ZNF708: variants seen among roughly 807,000 people sequenced by gnomAD.
ZNF708 encodes the protein zinc finger protein 708, also known as ZNF15, ZNF15L1.
Under a neutral mutation model 47.0 loss-of-function variants are expected in ZNF708, and 44 were observed. That is an observed-to-expected ratio of 0.94 (90% CI 0.74 to 1.20). The LOEUF (loss-of-function observed/expected upper bound fraction) is 1.20. Ranked by LOEUF, ZNF708 falls within the 50% of genes most tolerant of loss-of-function variation. ZNF708 has a pLI of 0.00. For synonymous variants in ZNF708, 184 were observed against 218.5 expected (o/e 0.84, Z 1.39); for missense variants, 557 against 656.0 (o/e 0.85, Z 1.65).
At chr19:21,307,939 T>C (rs1295327766) in intron 3 of ZNF708, among the ~76,000 whole-genome samples, 1 of 152,066 alleles carries the variant, frequency 6.6e-6, no homozygotes, top group Non-Finnish European at 1.5e-5. Flanking sequence ...ACTCAACTTA[T>C]AAGTTATCAT....
Position 21,293,663 on chromosome 19 carries a change from G to C in ZNF708, c.1303C>G (p.Leu435Val), listed in dbSNP as rs752400904. The C allele has an allele frequency of 3.1e-6, 5 of 1,612,360 alleles. No homozygotes were observed. In the South Asian group the frequency reaches 5.5e-5, roughly 18 times the overall value. ...CGKAFSIFSI[L>V]TKHKVIHTED... ...GTATGAATTACTTTATGTTTAGTAAGGATTGAGAATATACTAAAGGCTTTA... is the reference window on the plus strand; with the variant it reads ...GTATGAATTACTTTATGTTTAGTAACGATTGAGAATATACTAAAGGCTTTA... Residue 435 changes from leucine to valine, a missense_variant, in exon 4 of 4, where the codon CTT becomes GTT. Transcript: ENST00000356929.
chr19:21,316,121 C>T (rs948604966), intron 1 of ZNF708, among the ~76,000 whole-genome samples: 15 of 121,712 alleles, frequency 1.2e-4, no homozygotes, highest in Non-Finnish European at 1.0e-4. Context: ...CTTTTCTTTT[C>T]TTTTCTTTTT....
intron 1 of ZNF708, among the ~76,000 whole-genome samples, chr19:21,313,587 G>A (rs750501098): frequency 6.6e-6 from 1 of 151,818 alleles, no homozygotes; most frequent in African/African-American, 2.4e-5. Flanking sequence ...GTGAAGCCCC[G>A]TCTCTACTAA....
chr19:21,314,171 G>A (rs1462495183), intron 1 of ZNF708, among the ~76,000 whole-genome samples: 1 of 151,954 alleles, frequency 6.6e-6, no homozygotes, highest in Non-Finnish European at 1.5e-5. Flanking sequence ...GAACAGAACT[G>A]GGGAAGGGGA....
rs529226846 is a variant in ZNF708 at position 21,301,642 on chromosome 19, A to C, written c.227-6903T>G. ...AAAATAAAACAAACAAACAAACAAA[A>C]AAAAATTAGCTGGGCATGGTGGCAC... On this transcript the variant is annotated intron_variant, in intron 3 of 3. Transcript: ENST00000356929. 3.1e-3 allele frequency among the ~76,000 whole-genome samples: 471 copies of C among 151,720 alleles called. 3 individuals are homozygous for C. The highest frequency in any genetic ancestry group is 9.6e-3 in the African/African-American group (396 of 41,300).
intron 1 of ZNF708, among the ~76,000 whole-genome samples, chr19:21,313,377 T>C (rs1308224589): frequency 6.6e-6 from 1 of 152,052 alleles, no homozygotes; most frequent in Non-Finnish European, 1.5e-5. Flanking sequence ...TGCAAGTTGG[T>C]ACTAAGTGTT....
chr19:21,298,073 G>A (rs946561455), intron 3 of ZNF708, among the ~76,000 whole-genome samples: 33 of 151,708 alleles, frequency 2.2e-4, no homozygotes, highest in African/African-American at 7.8e-4. Context: ...CACACAGAGA[G>A]CAATATAATT....
chr19:21,324,052 A>G (rs1021475353), intron 1 of ZNF708, among the ~76,000 whole-genome samples: 2 of 149,166 alleles, frequency 1.3e-5, no homozygotes, highest in South Asian at 4.3e-4. Context: ...ATCCTGGCTA[A>G]CATGGTGAAA....
rs541532320 is a variant in ZNF708, at chr19:21,299,223, G to A, written c.227-4484C>T. Among the ~76,000 whole-genome samples the A allele has an allele frequency of 6.5e-4, 98 of 151,550 alleles. 1 individual carries two copies. In the South Asian group the frequency reaches 8.8e-3, roughly 14 times the overall value. On this transcript the variant is annotated intron_variant, in intron 3 of 3. Coordinates refer to ENST00000356929, the MANE Select transcript of ZNF708 (RefSeq NM_021269.3). ...ACAAAAATTAGCCAGGCATGGTGGC[G>A]GGTGCCTGTAATCCCAGCTACTTGG...
intron 1 of ZNF708, chr19:21,328,093 G>A (rs886104893): frequency 3.7e-6 from 3 of 819,728 alleles, no homozygotes; most frequent in Non-Finnish European, 4.4e-6. Context: ...AAACTGAAGG[G>A]TGGCTGAAGA....
chr19:21,315,561 A>G (rs1398151449), intron 1 of ZNF708, among the ~76,000 whole-genome samples: 1 of 152,192 alleles, frequency 6.6e-6, no homozygotes, highest in Non-Finnish European at 1.5e-5. Flanking sequence ...TATTTGGGCC[A>G]AACTTGAGGA....
chr19:21,325,269 G>A (rs1297212821), intron 1 of ZNF708, among the ~76,000 whole-genome samples: 1 of 152,126 alleles, frequency 6.6e-6, no homozygotes, highest in Non-Finnish European at 1.5e-5. Context: ...ACAAGGCTAA[G>A]CAAAAAGAAC....
intron 1 of ZNF708, among the ~76,000 whole-genome samples, chr19:21,325,656 G>T (rs992689159): frequency 3.9e-5 from 6 of 152,066 alleles, no homozygotes; most frequent in Non-Finnish European, 8.8e-5. Context: ...ATTAGATTAG[G>T]CAAGGATTTC....
Position 21,304,384 on chromosome 19 carries a change from C to T in ZNF708, c.226+4862G>A, listed in dbSNP as rs554341214. On this transcript the variant is annotated intron_variant, in intron 3 of 3. Coordinates refer to ENST00000356929, the MANE Select transcript of ZNF708 (RefSeq NM_021269.3). ...GCTCCCCCATGACCCAAACACCACC[C>T]ACCAGGTCCCACATCAAACAGGAGG... Among the ~76,000 whole-genome samples the T allele has an allele frequency of 5.3e-5, 8 of 152,114 alleles. No homozygotes were observed. In the East Asian group the frequency reaches 1.4e-3, roughly 26 times the overall value.
chr19:21,296,225 G>A (rs2036107129), intron 3 of ZNF708, among the ~76,000 whole-genome samples: 1 of 152,130 alleles, frequency 6.6e-6, no homozygotes, highest in African/African-American at 2.4e-5. Flanking sequence ...AAGTGGCCGG[G>A]CACAGTGGCT....
intron 1 of ZNF708, among the ~76,000 whole-genome samples, chr19:21,312,354 T>C (rs747355724): frequency 2.0e-5 from 3 of 151,294 alleles, no homozygotes; most frequent in Non-Finnish European, 2.9e-5. Context: ...TCCCAGCTAC[T>C]TGGGAGGCTG....
At chr19:21,307,514 C>T (rs931124161) in intron 3 of ZNF708, among the ~76,000 whole-genome samples, 4 of 151,924 alleles carry the variant, frequency 2.6e-5, no homozygotes, top group Non-Finnish European at 4.4e-5. Context: ...CCCAGCTACT[C>T]GGGAGGCTGA....
intron 3 of ZNF708, among the ~76,000 whole-genome samples, chr19:21,308,709 A>G (rs1972837931): frequency 6.6e-6 from 1 of 152,158 alleles, no homozygotes; most frequent in Admixed American, 6.5e-5. Context: ...CTGCCCCCCC[A>G]GCCAAAACTA....
rs1972445393 is a variant in ZNF708 at position 21,293,590 on chromosome 19, TAGTTA to T, written c.1371_1375del (p.Phe457LeufsTer7). On this transcript the variant is annotated frameshift_variant, in exon 4 of 4. Coordinates refer to ENST00000356929, the MANE Select transcript of ZNF708 (RefSeq NM_021269.3). LOFTEE classifies it high-confidence loss of function. ...TTTATGATTAGTAAAATTTGAGGAG[TAGTTA>T]AAAGTTTTGCCACATTCTTCACATT... 6.2e-7 allele frequency: 1 copy of T among 1,611,982 alleles called. No homozygotes were observed. The highest frequency in any genetic ancestry group is 8.5e-7 in the Non-Finnish European group (1 of 1,179,480).
Sources: allele counts gnomAD v4.1 joint callset (sites outside exome capture counted in the v4.1 genomes callset), GRCh38; gene constraint gnomAD v4.1.1; transcripts MANE v1.5; gene names NCBI Gene and HGNC (gene_info 2026-07-23, HGNC 2026-07-21).